ROBO1: variants seen among roughly 807,000 people sequenced by gnomAD.
The protein encoded by ROBO1 is roundabout guidance receptor 1, also known as roundabout homolog 1.
ROBO1 carries 149 observed loss-of-function variants against 195.9 expected under a neutral mutation model. The observed-to-expected ratio is 0.76, with a 90% CI of 0.67 to 0.87. The LOEUF is 0.87. Ranked by LOEUF, ROBO1 falls within the 40% of genes least tolerant of loss-of-function variation. The probability of loss-of-function intolerance (pLI) is 0.00; values close to 1 mark genes in which losing one functional copy is unlikely to be tolerated. For missense variants in ROBO1, 1,933 were observed against 2,068.3 expected (o/e 0.93, Z 1.27); for synonymous variants, 816 against 733.2 (o/e 1.11, Z -1.82).
chr3:79,377,573 T>G (rs2036427398), intron 2 of ROBO1, among the ~76,000 whole-genome samples: 1 of 152,214 alleles, frequency 6.6e-6, no homozygotes, highest in Non-Finnish European at 1.5e-5. Context: ...TATTTCTAAA[T>G]AATTTATTCG....
chr3:79,505,426 A>G, intron 2 of ROBO1, among the ~76,000 whole-genome samples: 1 of 152,210 alleles, frequency 6.6e-6, no homozygotes, highest in East Asian at 1.9e-4. Context: ...CAGAAGTCTA[A>G]AACTAAATGT....
At chr3:79,497,663 C>CA (rs140244367) in intron 2 of ROBO1, among the ~76,000 whole-genome samples, 16 of 152,066 alleles carry the variant, frequency 1.1e-4, no homozygotes, top group Non-Finnish European at 2.2e-4. Flanking sequence ...TGCGAAGGGA[C>CA]AAAAATCTTG....
intron 26 of ROBO1, among the ~76,000 whole-genome samples, chr3:78,626,756 TACACACACACACAC>T (rs10608986): frequency 1.4e-5 from 2 of 146,440 alleles, no homozygotes; most frequent in Non-Finnish European, 3.0e-5. Context: ...AGCACACACA[TACACACACACACAC>T]ACACACACAC....
intron 3 of ROBO1, among the ~76,000 whole-genome samples, chr3:78,995,510 C>T (rs978738920): frequency 4.6e-5 from 7 of 152,046 alleles, no homozygotes; most frequent in African/African-American, 9.7e-5. Context: ...CTCTATAGCC[C>T]GTCGATCGGG....
chr3:78,942,495 T>G (rs1021216510), intron 3 of ROBO1, among the ~76,000 whole-genome samples: 5 of 151,988 alleles, frequency 3.3e-5, no homozygotes, highest in Non-Finnish European at 7.4e-5. Context: ...GTTTCTTGTC[T>G]CTGTAATGGG....
chr3:79,190,062 G>A lies in ROBO1; in HGVS notation c.89-64523C>T, dbSNP rs545795297. Among the ~76,000 whole-genome samples the A allele has an allele frequency of 7.7e-4, 117 of 151,686 alleles. 1 individual carries two copies. Among genetic ancestry groups the A allele is most frequent in the African/African-American group, 2.7e-3 (113 of 41,488 alleles). ...TTTTACTTGGTGTATTTTCTGTAAAGAAATGCCTTAAACAATGGTTCTAAT... is the reference window on the plus strand; with the variant it reads ...TTTTACTTGGTGTATTTTCTGTAAAAAAATGCCTTAAACAATGGTTCTAAT... On this transcript the variant is annotated intron_variant, in intron 2 of 30. Coordinates refer to ENST00000464233, the MANE Select transcript of ROBO1 (RefSeq NM_002941.4).
chr3:78,639,458 A>C (rs1001600642), intron 22 of ROBO1, among the ~76,000 whole-genome samples: 1 of 152,188 alleles, frequency 6.6e-6, no homozygotes, highest in African/African-American at 2.4e-5. Flanking sequence ...ATAATAAATA[A>C]ATAAATAAAT....
intron 2 of ROBO1, among the ~76,000 whole-genome samples, chr3:79,489,219 C>A (rs543219687): frequency 1.1e-4 from 17 of 151,576 alleles, no homozygotes; most frequent in Non-Finnish European, 2.4e-4. Context: ...TTGTGGAATT[C>A]GAAACTATTT....
chr3:79,295,912 T>C (rs2032569275), intron 2 of ROBO1, among the ~76,000 whole-genome samples: 1 of 152,148 alleles, frequency 6.6e-6, no homozygotes. Flanking sequence ...ATGGATTTGG[T>C]GGATTTAGAT....
chr3:79,371,482 A>G (rs2109338977), intron 2 of ROBO1, among the ~76,000 whole-genome samples: 1 of 152,338 alleles, frequency 6.6e-6, no homozygotes, highest in Admixed American at 6.5e-5. Flanking sequence ...GTGATGCACA[A>G]CAGAAACAGA....
intron 1 of ROBO1, among the ~76,000 whole-genome samples, chr3:79,745,040 G>A (rs1017755929): frequency 6.6e-6 from 1 of 152,028 alleles, no homozygotes; most frequent in Non-Finnish European, 1.5e-5. Flanking sequence ...CAGCCAGAAG[G>A]GTGCTAGTTA....
At chr3:79,594,372 T>G (rs1041302615) in intron 1 of ROBO1, among the ~76,000 whole-genome samples, 5 of 152,038 alleles carry the variant, frequency 3.3e-5, no homozygotes, top group Non-Finnish European at 7.4e-5. Context: ...AAAGTGCCTA[T>G]TTTTAAAATA....
intron 26 of ROBO1, among the ~76,000 whole-genome samples, chr3:78,624,789 G>GAAAT (rs1379336839): frequency 2.6e-5 from 4 of 151,984 alleles, no homozygotes; most frequent in Admixed American, 2.6e-4. Context: ...AGACTCTTAT[G>GAAAT]AAGAGTAAAG....
intron 1 of ROBO1, among the ~76,000 whole-genome samples, chr3:79,760,547 C>T (rs1704644337): frequency 7.4e-6 from 1 of 135,840 alleles, no homozygotes; most frequent in South Asian, 2.4e-4. Context: ...TTTGTATAAT[C>T]TATAAGAAAA....
chr3:79,498,151 T>C (rs190089273), intron 2 of ROBO1, among the ~76,000 whole-genome samples: 342 of 152,286 alleles, frequency 2.2e-3, no homozygotes, highest in African/African-American at 6.5e-3. Context: ...CACAGAAATA[T>C]GAAAAAATAA....
intron 4 of ROBO1, among the ~76,000 whole-genome samples, chr3:78,859,496 T>C (rs1559932903): frequency 6.6e-6 from 1 of 152,116 alleles, no homozygotes; most frequent in Non-Finnish European, 1.5e-5. Context: ...GATTTTTGAA[T>C]GTTGGTTGTT....
intron 2 of ROBO1, among the ~76,000 whole-genome samples, chr3:79,346,026 A>G (rs1022388046): frequency 6.6e-6 from 1 of 152,198 alleles, no homozygotes; most frequent in Non-Finnish European, 1.5e-5. Flanking sequence ...GATAATTCGT[A>G]GGTCAAGAAT....
intron 2 of ROBO1, among the ~76,000 whole-genome samples, chr3:79,355,216 T>C: frequency 6.6e-6 from 1 of 151,666 alleles, no homozygotes; most frequent in Non-Finnish European, 1.5e-5. Context: ...ATGAATGAAA[T>C]CATTGCTTTA....
chr3:79,554,161 T>C (rs904267722), intron 2 of ROBO1, among the ~76,000 whole-genome samples: 3 of 152,044 alleles, frequency 2.0e-5, no homozygotes, highest in African/African-American at 7.2e-5. Context: ...TCTTAATATA[T>C]ACATTTATTT....
Sources: gnomAD v4.1 joint callset for allele counts (sites outside exome capture counted in the v4.1 genomes callset) on GRCh38, gnomAD v4.1.1 for gene constraint, MANE v1.5 for transcripts, NCBI Gene and HGNC (gene_info 2026-07-23, HGNC 2026-07-21) for gene names.